Variants in NGEF observed in about 807,000 individuals in gnomAD.
The protein encoded by NGEF is ephexin-1.
Under a neutral mutation model 80.9 loss-of-function variants are expected in NGEF, and 31 were observed. That is an observed-to-expected ratio of 0.38 (90% CI 0.29 to 0.52). The LOEUF is 0.52. NGEF is among the 20% of genes least tolerant of loss of function. The pLI, the probability that NGEF is intolerant of heterozygous loss-of-function variation, is 0.84. For synonymous variants in NGEF, 371 were observed against 370.2 expected, an observed-to-expected ratio of 1.00 and a Z score of -0.03; for missense variants, 709 against 926.2, an observed-to-expected ratio of 0.77 and a Z score of 3.04.
chr2:232,920,707 G>A, intron 4 of NGEF, 122 bp from the exon 5 acceptor site: 1 of 932,578 alleles, frequency 1.1e-6, no homozygotes, highest in Non-Finnish European at 1.5e-6. Flanking sequence ...AATACACAGT[G>A]CAAGCCAGCC....
At chr2:232,924,450 A>G (rs991089122) in intron 4 of NGEF, among the ~76,000 whole-genome samples, 3 of 152,038 alleles carry the variant, frequency 2.0e-5, no homozygotes, top group Admixed American at 6.6e-5. Context: ...TAAGCCATCT[A>G]GTATATGGTA....
intron 8 of NGEF, among the ~76,000 whole-genome samples, 164 bp from the exon 9 acceptor site, chr2:232,888,271 TG>T (rs1371825326): frequency 1.3e-5 from 2 of 148,528 alleles, no homozygotes; most frequent in Non-Finnish European, 3.0e-5. Flanking sequence ...CATGCACACA[TG>T]CATACAGACC....
At chr2:232,990,609 T>C (rs1484206797) in intron 1 of NGEF, among the ~76,000 whole-genome samples, 1 of 152,056 alleles carries the variant, frequency 6.6e-6, no homozygotes, top group Admixed American at 6.5e-5. Flanking sequence ...CCAAATATCA[T>C]TAAATGTTAC....
At chr2:232,944,038 G>C (rs536175500) in intron 3 of NGEF, among the ~76,000 whole-genome samples, 1 of 151,758 alleles carries the variant, frequency 6.6e-6, no homozygotes, top group East Asian at 2.0e-4. Flanking sequence ...TTCCAGACCA[G>C]CCTGGCCAAC....
At chr2:232,978,159 T>A (rs1336323629) in intron 1 of NGEF, among the ~76,000 whole-genome samples, 1 of 27,958 alleles carries the variant, frequency 3.6e-5, no homozygotes, top group East Asian at 2.9e-4. Flanking sequence ...TAACATGAAC[T>A]TTTTTTTTTT....
At chr2:232,935,678 A>G (rs1265117844) in intron 3 of NGEF, among the ~76,000 whole-genome samples, 1 of 152,208 alleles carries the variant, frequency 6.6e-6, no homozygotes, top group Non-Finnish European at 1.5e-5. Context: ...CTGGAAATAT[A>G]TGATAGTGAT....
chr2:232,933,849 A>G (rs1693268433), intron 3 of NGEF, among the ~76,000 whole-genome samples: 1 of 152,226 alleles, frequency 6.6e-6, no homozygotes. Flanking sequence ...GCTGCCTGGC[A>G]CTGTGATGTT....
At chr2:233,009,624 A>G (rs181013643) in intron 1 of NGEF, among the ~76,000 whole-genome samples, 38 of 146,312 alleles carry the variant, frequency 2.6e-4, no homozygotes, top group African/African-American at 9.1e-4. Flanking sequence ...GATGGTGAGA[A>G]CCCATCTCTA....
chr2:232,883,834 C>A, intron 11 of NGEF, 147 bp downstream of exon 11: 3 of 821,914 alleles, frequency 3.7e-6, no homozygotes, highest in Non-Finnish European at 5.4e-6. Context: ...AGGCCCAAAG[C>A]TGGGCCACAG....
intron 5 of NGEF, among the ~76,000 whole-genome samples, chr2:232,908,168 T>C (rs1175169180): frequency 6.6e-6 from 1 of 152,218 alleles, no homozygotes; most frequent in African/African-American, 2.4e-5. Context: ...CTGTATATTG[T>C]CTTACTAAAC....
At chr2:232,937,878 A>G (rs1693359599) in intron 3 of NGEF, among the ~76,000 whole-genome samples, 1 of 152,200 alleles carries the variant, frequency 6.6e-6, no homozygotes, top group Non-Finnish European at 1.5e-5. Flanking sequence ...GGAGGTAACT[A>G]GTTATGATCT....
intron 2 of NGEF, among the ~76,000 whole-genome samples, chr2:232,971,896 C>A (rs890976322): frequency 6.6e-6 from 1 of 152,150 alleles, no homozygotes; most frequent in East Asian, 1.9e-4. Context: ...CCTTTTCTTG[C>A]AACCCTGAAA....
intron 3 of NGEF, among the ~76,000 whole-genome samples, chr2:232,961,731 C>G (rs1015183674): frequency 2.0e-5 from 3 of 152,076 alleles, no homozygotes; most frequent in African/African-American, 4.8e-5. Flanking sequence ...CTCCTGACCT[C>G]GTGATCTGCC....
intron 1 of NGEF, among the ~76,000 whole-genome samples, chr2:233,005,309 G>A (rs939415877): frequency 6.6e-6 from 1 of 152,174 alleles, no homozygotes; most frequent in African/African-American, 2.4e-5. Flanking sequence ...AGTGCAGTGG[G>A]GGAGCAGTGC....
chr2:233,000,653 A>G (rs376552833), intron 1 of NGEF, among the ~76,000 whole-genome samples: 7 of 151,548 alleles, frequency 4.6e-5, no homozygotes, highest in African/African-American at 7.3e-5. Context: ...CCAGCTACTC[A>G]GGAGGCTGAG....
At chr2:232,980,466 A>G (rs1694389585) in intron 1 of NGEF, among the ~76,000 whole-genome samples, 1 of 150,816 alleles carries the variant, frequency 6.6e-6, no homozygotes, top group South Asian at 2.1e-4. Context: ...CTGACTCAGG[A>G]GGTCCTGGGT....
intron 1 of NGEF, among the ~76,000 whole-genome samples, chr2:232,988,328 C>T (rs1009856529): frequency 5.9e-5 from 9 of 152,172 alleles, no homozygotes; most frequent in Non-Finnish European, 1.3e-4. Context: ...AGGCTATAAA[C>T]AGCACACAGA....
chr2:232,927,157 G>A lies in NGEF; in HGVS notation c.413C>T (p.Ala138Val). ...SESSSTPGNG[A>V]TPEEWPALAD... is the part of the protein sequence containing the mutation. ...CAGGGCCGGCCACTCCTCGGGCGTG[G>A]CCCCATTTCCCGGGGTGGAGGACGA... The change falls in exon 4 of 15, where the codon GCC becomes GTC. Residue 138 changes from alanine to valine, a missense_variant. By Grantham distance (64) the Ala-to-Val change is moderately conservative. Transcript: ENST00000264051. The A allele has an allele frequency of 6.2e-7, 1 of 1,602,558 alleles. No individual in the cohort carries two copies. The highest frequency in any genetic ancestry group is 1.1e-5 in the South Asian group (1 of 89,820).
At chr2:232,898,825 C>G (rs932337546) in intron 5 of NGEF, among the ~76,000 whole-genome samples, 1 of 152,134 alleles carries the variant, frequency 6.6e-6, no homozygotes, top group Admixed American at 6.5e-5. Context: ...CCTGTGAGGG[C>G]GAGTGGGAAT....
Sources: gnomAD v4.1 joint callset for allele counts (sites outside exome capture counted in the v4.1 genomes callset) on GRCh38, gnomAD v4.1.1 for gene constraint, MANE v1.5 for transcripts, NCBI Gene and HGNC (gene_info 2026-07-23, HGNC 2026-07-21) for gene names.